Variants in ARHGAP1 observed in about 807,000 individuals in gnomAD.
ARHGAP1 encodes Rho GTPase activating protein 1.
In ARHGAP1, 23 loss-of-function variants were observed where a neutral mutation model predicts 52.2. That is an observed-to-expected ratio of 0.44 (90% CI 0.32 to 0.62). ARHGAP1 has a LOEUF of 0.62. Among genes scored for constraint, ARHGAP1 ranks in the 20% least tolerant of loss-of-function variants. The pLI is 0.05. For synonymous variants in ARHGAP1, 210 were observed against 228.4 expected (o/e 0.92, Z 0.73); for missense variants, 480 against 560.9 (o/e 0.86, Z 1.46).
At position 46,679,104 on chromosome 11, in the gene ARHGAP1, G is replaced by A; in HGVS notation, c.1253C>T (p.Thr418Ile). Residue 418 changes from threonine to isoleucine, a missense_variant, in exon 13 of 13, where the codon ACC becomes ATC. Physicochemically the swap from Thr to Ile is moderately conservative, Grantham distance 89. Transcript: ENST00000311956. The surrounding 1 kb of genome is among the most constrained non-coding windows in gnomAD (Gnocchi z 4.4). ...ITLKAINPIN[T>I]FTKFLLDHQG... is the part of the protein sequence containing the mutation. Reference sequence around the variant, plus strand: ...GTGATCCAGAAGGAACTTGGTGAAGGTGTTGATGGGATTAATGGCCTTGAG... The same window carrying A: ...GTGATCCAGAAGGAACTTGGTGAAGATGTTGATGGGATTAATGGCCTTGAG... 1 of 1,614,212 alleles carries A rather than the reference G, an allele frequency of 6.2e-7. No individual in the cohort carries two copies. Among genetic ancestry groups the A allele is most frequent in the South Asian group, 1.1e-5 (1 of 91,090 alleles).
At chr11:46,689,398 T>C (rs1428759141) in intron 3 of ARHGAP1, among the ~76,000 whole-genome samples, 1 of 152,086 alleles carries the variant, frequency 6.6e-6, no homozygotes, top group African/African-American at 2.4e-5. Flanking sequence ...GGGTACAGCA[T>C]TTGGTATGGG....
chr11:46,686,572 C>T (rs557998710), intron 4 of ARHGAP1, among the ~76,000 whole-genome samples: 1 of 151,942 alleles, frequency 6.6e-6, no homozygotes, highest in Non-Finnish European at 1.5e-5. Flanking sequence ...CCCGCCACCA[C>T]GCCTGGCTAA....
intron 4 of ARHGAP1, among the ~76,000 whole-genome samples, chr11:46,682,904 C>T (rs1024869694): frequency 6.6e-6 from 1 of 152,174 alleles, no homozygotes; most frequent in African/African-American, 2.4e-5. Flanking sequence ...TTAGCTCATA[C>T]ATTGCTTATA....
In ARHGAP1 at chr11:46,696,098, G is replaced by A. The variant is rs747849153; in HGVS notation, c.10C>T (p.Leu4Phe). The change falls in exon 2 of 13, where the codon CTC becomes TTC. Residue 4 changes from leucine (L) to phenylalanine (F), a missense_variant. Coordinates refer to ENST00000311956, the MANE Select transcript of ARHGAP1 (RefSeq NM_004308.5). The surrounding 1 kb of genome is among the most constrained non-coding windows in gnomAD (Gnocchi z 4.8). The part of the protein sequence containing the change: MDP[L>F]SELQDDLTLD... ...GTCAGATCATCCTGCAGCTCTGAGA[G>A]CGGATCCATGGCCAAGCCTGTCCCA... The A allele has an allele frequency of 4.4e-5, 71 of 1,599,354 alleles. No homozygotes were observed. Among genetic ancestry groups the A allele is most frequent in the Non-Finnish European group, 4.9e-5 (57 of 1,173,242 alleles).
In ARHGAP1 at chr11:46,688,181, C is replaced by A; in HGVS notation, c.309G>T (p.Lys103Asn). Residue 103 changes from lysine (K) to asparagine (N), a missense_variant, in exon 4 of 13, where the codon AAG becomes AAT. Transcript: ENST00000311956. ...TCCCAGCAGGTACTCACCCCAGGAG[C>A]TTGCTGTGGTCGAGCTGGTGGCTGG... ...MPPSHQLDHS[K>N]LLGYLKHTLD... 1 of 1,613,732 alleles carries A rather than the reference C, an allele frequency of 6.2e-7. No homozygotes were observed. The highest frequency in any genetic ancestry group is 8.5e-7 in the Non-Finnish European group (1 of 1,179,790).
rs1213333028 is a variant in ARHGAP1, at chr11:46,681,337, G to A, written c.492C>T (p.Thr164=). ...GGATGAGCAGAGTTTTGATGAACAT[G>A]GTTGGATGCACGATGTACAAGGCCT... The part of the protein sequence containing the change: ...NIKALYIVHP[T]MFIKTLLILF... The change falls in exon 6 of 13, where the codon ACC becomes ACT. Residue 164 remains threonine (T), a synonymous_variant. Coordinates refer to ENST00000311956, the MANE Select transcript of ARHGAP1 (RefSeq NM_004308.5). The surrounding 1 kb of genome is among the most constrained non-coding windows in gnomAD (Gnocchi z 5.7). 6 of 1,613,834 alleles carry A rather than the reference G, an allele frequency of 3.7e-6. No homozygotes were observed. The South Asian group carries it at 6.6e-5, about 18-fold the overall frequency.
At chr11:46,692,715 TCTCG>T (rs1479652329) in intron 3 of ARHGAP1, among the ~76,000 whole-genome samples, 4 of 152,042 alleles carry the variant, frequency 2.6e-5, no homozygotes, top group Non-Finnish European at 5.9e-5. Flanking sequence ...TTTGAGACAG[TCTCG>T]CTCTGTCGCT....
intron 3 of ARHGAP1, among the ~76,000 whole-genome samples, chr11:46,688,925 A>C (rs2064591596): frequency 6.6e-6 from 1 of 151,950 alleles, no homozygotes; most frequent in Non-Finnish European, 1.5e-5. Flanking sequence ...CTCTACCAAA[A>C]ATACAAAAAT....
intron 4 of ARHGAP1, among the ~76,000 whole-genome samples, chr11:46,684,688 G>C (rs1592386473): frequency 6.6e-6 from 1 of 152,110 alleles, no homozygotes; most frequent in East Asian, 1.9e-4. Context: ...CACACAGTAC[G>C]CTTATATTTT....
Position 46,688,262 on chromosome 11 carries a change from T to C in ARHGAP1, c.230-2A>G. Reference sequence around the variant, plus strand: ...TCTTCCGCCCATACTTGTCATCTCCTAGGTGTGGAGAAAGATGGAGCACAG... The same window carrying C: ...TCTTCCGCCCATACTTGTCATCTCCCAGGTGTGGAGAAAGATGGAGCACAG... On this transcript the variant is annotated splice_acceptor_variant, in intron 3 of 12. Coordinates refer to ENST00000311956, the MANE Select transcript of ARHGAP1 (RefSeq NM_004308.5). LOFTEE classifies it high-confidence loss of function. 4 of 1,611,940 alleles carry C rather than the reference T, an allele frequency of 2.5e-6. No homozygotes were observed. Among genetic ancestry groups the C allele is most frequent in the Non-Finnish European group, 3.4e-6 (4 of 1,178,438 alleles).
At chr11:46,688,012 T>C in intron 4 of ARHGAP1, 161 bp downstream of exon 4, 1 of 648,422 alleles carries the variant, frequency 1.5e-6, no homozygotes, top group Non-Finnish European at 2.6e-6. Flanking sequence ...CCTCGTCCAG[T>C]GCTCTCCCCT....
rs1295890068 is a variant in ARHGAP1, at chr11:46,681,024, G to A, written c.622C>T (p.Arg208Cys). 1.5e-5 allele frequency: 24 copies of A among 1,613,960 alleles called. No individual in the cohort carries two copies. Among genetic ancestry groups the A allele is most frequent in the East Asian group, 2.2e-5 (1 of 44,882 alleles). Residue 208 changes from arginine (R) to cysteine (C), a missense_variant, in exon 7 of 13, where the codon CGC (arginine) becomes TGC (cysteine). Coordinates refer to ENST00000311956, the MANE Select transcript of ARHGAP1 (RefSeq NM_004308.5). The surrounding 1 kb of genome is among the most constrained non-coding windows in gnomAD (Gnocchi z 5.7). Reference protein sequence around the residue: ...HVKLEQLGIPRQVLKYDDFLK... With the variant: ...HVKLEQLGIPCQVLKYDDFLK... ...CACCCGCCTCACTTGAGCACTTGGC[G>A]AGGGATCCCCAGCTGCTCCAGCTTC...
chr11:46,681,903 T>C lies in ARHGAP1; in HGVS notation c.449+148A>G. On this transcript the variant is annotated intron_variant, in intron 5 of 12. Coordinates refer to ENST00000311956, the MANE Select transcript of ARHGAP1 (RefSeq NM_004308.5). The surrounding 1 kb of genome is among the most constrained non-coding windows in gnomAD (Gnocchi z 5.7). ...GGCCTTACTTAAGCCCAGGGTGATCTGACTGCAGATTCTTTACATTGACGT... is the reference window on the plus strand; with the variant it reads ...GGCCTTACTTAAGCCCAGGGTGATCCGACTGCAGATTCTTTACATTGACGT... 1 of 1,132,242 alleles carries C rather than the reference T, an allele frequency of 8.8e-7. No homozygotes were observed. Among genetic ancestry groups the C allele is most frequent in the Non-Finnish European group, 1.2e-6 (1 of 808,874 alleles). 70.1% of individuals were successfully genotyped at this position (1,132,242 alleles called of 1,614,324 possible). A position where few individuals can be genotyped will look rare whatever the true frequency, so the allele number is the denominator to read the frequency against.
Position 46,679,291 on chromosome 11 carries a change from G to T in ARHGAP1, c.1132-66C>A. On this transcript the variant is annotated intron_variant, in intron 12 of 12. Transcript: ENST00000311956. The surrounding 1 kb of genome is among the most constrained non-coding windows in gnomAD (Gnocchi z 4.4). ...GCTGCCTCCCACTCCCAGCAACAAT[G>T]ACCAGGGCGCAGAGGAGGCGGCAGC... 1.3e-6 allele frequency: 2 copies of T among 1,599,346 alleles called. No homozygotes were observed. The highest frequency in any genetic ancestry group is 2.2e-5 in the South Asian group (2 of 89,794).
At chr11:46,694,234 C>T (rs989250060) in intron 3 of ARHGAP1, among the ~76,000 whole-genome samples, 7 of 152,144 alleles carry the variant, frequency 4.6e-5, no homozygotes, top group Non-Finnish European at 1.0e-4. Context: ...TGTCCCCACA[C>T]AGCCTCCCCC....
Position 46,678,764 on chromosome 11 carries a change from C to A in ARHGAP1, c.*273G>T. Reference sequence around the variant, plus strand: ...GGAAAGGGGTTACTGGGGCTCAGTCCTTCTCCAGCTGGAAGAGCCAAGCCC... The same window carrying A: ...GGAAAGGGGTTACTGGGGCTCAGTCATTCTCCAGCTGGAAGAGCCAAGCCC... On this transcript the variant is annotated 3_prime_UTR_variant, in exon 13 of 13. Coordinates refer to ENST00000311956, the MANE Select transcript of ARHGAP1 (RefSeq NM_004308.5). 1 of 478,642 alleles carries A rather than the reference C, an allele frequency of 2.1e-6. No individual in the cohort carries two copies. The highest frequency in any genetic ancestry group is 2.7e-5 in the South Asian group (1 of 37,442). The allele number at this position is 478,642 out of a possible 1,614,324, so 29.6% of individuals were successfully genotyped here.
intron 4 of ARHGAP1, 112 bp downstream of exon 4, chr11:46,688,061 T>G: frequency 9.8e-7 from 1 of 1,016,472 alleles, no homozygotes; most frequent in Non-Finnish European, 1.5e-6. Context: ...AGGGAAGGCA[T>G]TAAGGCAGGT....
At chr11:46,685,560 C>T (rs764884240) in intron 4 of ARHGAP1, among the ~76,000 whole-genome samples, 3 of 151,834 alleles carry the variant, frequency 2.0e-5, no homozygotes, top group African/African-American at 4.8e-5. Flanking sequence ...CTCCTGACCT[C>T]GTGATCCACC....
rs941220869 is a variant in ARHGAP1, at chr11:46,681,433, G to C, written c.450-54C>G. 7 of 1,361,446 alleles carry C rather than the reference G, an allele frequency of 5.1e-6. No individual in the cohort carries two copies. Among genetic ancestry groups the C allele is most frequent in the Non-Finnish European group, 1.1e-6 (1 of 951,404 alleles). The allele number at this position is 1,361,446 out of a possible 1,614,324, so 84.3% of individuals were successfully genotyped here. ...GCAGGCGTGGTGGGACAGGTGCCACGCTAGGGTCCCAGTGCATACTTTTTT... is the reference window on the plus strand; with the variant it reads ...GCAGGCGTGGTGGGACAGGTGCCACCCTAGGGTCCCAGTGCATACTTTTTT... On this transcript the variant is annotated intron_variant, in intron 5 of 12. Transcript: ENST00000311956. The surrounding 1 kb of genome is among the most constrained non-coding windows in gnomAD (Gnocchi z 5.7).
Sources: gnomAD v4.1 joint callset for allele counts (sites outside exome capture counted in the v4.1 genomes callset) on GRCh38, gnomAD v4.1.1 for gene constraint, Gnocchi (gnomAD v3.1) non-coding constraint, MANE v1.5 for transcripts, NCBI Gene and HGNC (gene_info 2026-07-23, HGNC 2026-07-21) for gene names.